Variants in ACSS1 observed in about 807,000 individuals in gnomAD.
The protein encoded by ACSS1 is acyl-CoA synthetase short chain family member 1.
Under a neutral mutation model 75.3 loss-of-function variants are expected in ACSS1, and 42 were observed. That is an observed-to-expected ratio of 0.56 (90% CI 0.44 to 0.72). ACSS1 has a LOEUF of 0.72. Among genes scored for constraint, ACSS1 ranks in the 30% least tolerant of loss-of-function variants. ACSS1 has a pLI of 0.00. For missense variants in ACSS1, 782 were observed against 935.7 expected (o/e 0.84, Z 2.14); for synonymous variants, 380 against 376.8 (o/e 1.01, Z -0.10).
intron 2 of ACSS1, among the ~76,000 whole-genome samples, chr20:25,033,239 T>A (rs1161548212): frequency 1.3e-5 from 2 of 152,160 alleles, no homozygotes; most frequent in East Asian, 3.9e-4. Flanking sequence ...TGAATTATGC[T>A]CACCAGTTAA....
In ACSS1 at chr20:25,037,005, A is replaced by G. The variant is rs57465781; in HGVS notation, c.432-6047T>C. ...AAAGAAAAAGAAAGAAAGAAGAAAG[A>G]AAGGAAGGAAGGAAGGAAGGAAGGA... On this transcript the variant is annotated intron_variant, in intron 2 of 13. Coordinates refer to ENST00000323482, the MANE Select transcript of ACSS1 (RefSeq NM_032501.4). 1.0e-2 allele frequency among the ~76,000 whole-genome samples: 1,309 copies of G among 131,528 alleles called. 26 individuals are homozygous for G. The highest frequency in any genetic ancestry group is 0.032 in the African/African-American group (1,055 of 33,424). The allele number at this position is 131,528 out of a possible 152,430, so 86.3% of individuals were successfully genotyped here.
intron 5 of ACSS1, 57 bp downstream of exon 5, chr20:25,022,883 C>A: frequency 6.5e-7 from 1 of 1,529,026 alleles, no homozygotes; most frequent in Non-Finnish European, 8.8e-7. Flanking sequence ...GGACTTCCAG[C>A]CCTGCCCCTG....
chr20:25,031,254 G>C (rs574013182), intron 2 of ACSS1: 3 of 446,710 alleles, frequency 6.7e-6, no homozygotes, highest in African/African-American at 2.0e-5. Flanking sequence ...GGGGAGCCAT[G>C]GTGACACCAT....
chr20:25,013,681 C>T lies in ACSS1; in HGVS notation c.1453-19G>A, dbSNP rs573299374. The T allele has an allele frequency of 2.5e-6, 4 of 1,582,194 alleles. No individual in the cohort carries two copies. The South Asian group carries it at 3.3e-5, about 13-fold the overall frequency. ...CGCTGCCCTGTAGACCCCGGACATG[C>T]AAGTGAGACAGGGCAGGCTCTGGGT... On this transcript the variant is annotated intron_variant, in intron 9 of 13. Transcript: ENST00000323482.
intron 3 of ACSS1, among the ~76,000 whole-genome samples, chr20:25,030,400 C>T (rs750257758): frequency 6.6e-6 from 1 of 152,224 alleles, no homozygotes; most frequent in African/African-American, 2.4e-5. Context: ...CAGTTGTTGA[C>T]CTGTGGAACC....
intron 2 of ACSS1, among the ~76,000 whole-genome samples, chr20:25,045,611 C>G (rs138852353): frequency 2.6e-5 from 4 of 152,380 alleles, no homozygotes; most frequent in East Asian, 1.9e-4. Context: ...GCTGAGGAGG[C>G]CTGCAACCAT....
chr20:25,051,628 A>T (rs112966794), intron 1 of ACSS1, among the ~76,000 whole-genome samples: 107 of 152,332 alleles, frequency 7.0e-4, no homozygotes, highest in Non-Finnish European at 1.1e-3. Flanking sequence ...CGATGTGTGC[A>T]CATGGACCTA....
chr20:25,050,478 A>T (rs1568850772), intron 1 of ACSS1, among the ~76,000 whole-genome samples: 1 of 151,874 alleles, frequency 6.6e-6, no homozygotes, highest in Non-Finnish European at 1.5e-5. Context: ...GCCCCAGGAG[A>T]TGTGAACCCA....
Position 25,022,921 on chromosome 20 carries a change from C to G in ACSS1, c.960+19G>C. The G allele has an allele frequency of 6.3e-7, 1 of 1,593,622 alleles. No homozygotes were observed. Among genetic ancestry groups the G allele is most frequent in the Non-Finnish European group, 8.5e-7 (1 of 1,169,764 alleles). ...TGGATCCCTGCCAAGGGCCCAGCAC[C>G]GCCCGCACAGGCCTGTACCTTGTGA... On this transcript the variant is annotated intron_variant, in intron 5 of 13. Coordinates refer to ENST00000323482, the MANE Select transcript of ACSS1 (RefSeq NM_032501.4).
chr20:25,042,543 TC>T (rs984454848), intron 2 of ACSS1, among the ~76,000 whole-genome samples: 4 of 152,082 alleles, frequency 2.6e-5, no homozygotes, highest in Admixed American at 1.3e-4. Context: ...CCCCACAGCC[TC>T]CCGTGAGTTA....
In ACSS1 at chr20:25,058,012, C is replaced by G. The variant is rs745957351; in HGVS notation, c.91G>C (p.Val31Leu). ...SGQPARPPCG[V>L]SAPRRAASGP... ...GAGGCCGCCCTGCGCGGCGCGCTCA[C>G]CCCGCACGGCGGCCGCGCGGGCTGC... Residue 31 changes from valine (V) to leucine (L), a missense_variant, in exon 1 of 14, where the codon GTG (valine) becomes CTG (leucine). Val to Leu is a conservative substitution (Grantham distance 32). Transcript: ENST00000323482. The G allele has an allele frequency of 1.1e-5, 15 of 1,413,802 alleles. No individual in the cohort carries two copies. The highest frequency in any genetic ancestry group is 1.4e-5 in the Non-Finnish European group (15 of 1,090,218). 87.6% of individuals were successfully genotyped at this position (1,413,802 alleles called of 1,614,324 possible). A position where few individuals can be genotyped will look rare whatever the true frequency, so the allele number is the denominator to read the frequency against.
rs551890577 is a variant in ACSS1 at position 25,048,970 on chromosome 20, C to T, written c.335-789G>A. On this transcript the variant is annotated intron_variant, in intron 1 of 13. Transcript: ENST00000323482. ...CAGCTCTCCTCACTCACTGGCTTAT[C>T]GGAGGGTCCCCAGGTATGCAGGGAC... 4.6e-5 allele frequency among the ~76,000 whole-genome samples: 7 copies of T among 152,292 alleles called. No individual in the cohort carries two copies. The South Asian group carries it at 1.5e-3, about 32-fold the overall frequency.
chr20:25,050,799 G>C (rs1395917128), intron 1 of ACSS1, among the ~76,000 whole-genome samples: 1 of 152,030 alleles, frequency 6.6e-6, no homozygotes, highest in Admixed American at 6.5e-5. Context: ...AGGACATCCT[G>C]CACCATTTTA....
In ACSS1 at chr20:25,007,025, G is replaced by A. The variant is rs952574734; in HGVS notation, c.*737C>T. On this transcript the variant is annotated 3_prime_UTR_variant, in exon 14 of 14. Transcript: ENST00000323482. ...ACTGGAGTAGCTTCAGAACTAAGGC[G>A]GCCACATTCACCCCACCGCTTAGGA... is the stretch of plus-strand genomic sequence containing the variant. The A allele has an allele frequency of 5.9e-5, 90 of 1,518,460 alleles. No homozygotes were observed. Among genetic ancestry groups the A allele is most frequent in the East Asian group, 3.9e-4 (16 of 40,590 alleles). The allele number at this position is 1,518,460 out of a possible 1,614,324, so 94.1% of individuals were successfully genotyped here.
chr20:25,006,724 G>A lies in ACSS1; in HGVS notation c.*1038C>T. The A allele has an allele frequency of 4.1e-6, 5 of 1,228,938 alleles. No individual in the cohort carries two copies. Among genetic ancestry groups the A allele is most frequent in the Non-Finnish European group, 5.6e-6 (5 of 900,584 alleles). The allele number at this position is 1,228,938 out of a possible 1,614,324, so 76.1% of individuals were successfully genotyped here. A position where few individuals can be genotyped will look rare whatever the true frequency, so the allele number is the denominator to read the frequency against. On this transcript the variant is annotated 3_prime_UTR_variant, in exon 14 of 14. Coordinates refer to ENST00000323482, the MANE Select transcript of ACSS1 (RefSeq NM_032501.4). ...TTCCATTATCTTGCTAATGTTGACA[G>A]CACCTAAGTCACATTAAAACAAAGA...
At position 25,007,692 on chromosome 20, in the gene ACSS1, G is replaced by A; in HGVS notation, c.*70C>T. ...GACGTAGGAAGACGCCAACCTCAGG[G>A]GTACCTTCTGGGAAGGACAAGCCAG... On this transcript the variant is annotated 3_prime_UTR_variant, in exon 14 of 14. Coordinates refer to ENST00000323482, the MANE Select transcript of ACSS1 (RefSeq NM_032501.4). 1 of 1,574,284 alleles carries A rather than the reference G, an allele frequency of 6.4e-7. No individual in the cohort carries two copies. Among genetic ancestry groups the A allele is most frequent in the Non-Finnish European group, 8.6e-7 (1 of 1,160,214 alleles).
chr20:25,050,783 C>T (rs1375657470), intron 1 of ACSS1, among the ~76,000 whole-genome samples: 5 of 152,064 alleles, frequency 3.3e-5, no homozygotes, highest in Non-Finnish European at 7.4e-5. Flanking sequence ...AGCCTCCCAG[C>T]CCAGCAGGAC....
intron 2 of ACSS1, among the ~76,000 whole-genome samples, chr20:25,042,898 A>C (rs897519152): frequency 6.6e-6 from 1 of 151,962 alleles, no homozygotes; most frequent in African/African-American, 2.4e-5. Flanking sequence ...TTCATCCCAC[A>C]TGCCCCTCTC....
At chr20:25,040,035 T>C (rs1568845138) in intron 2 of ACSS1, among the ~76,000 whole-genome samples, 1 of 152,238 alleles carries the variant, frequency 6.6e-6, no homozygotes. Flanking sequence ...CGCCCCTGGC[T>C]GGACAGACTT....
Sources: gnomAD v4.1 joint callset for allele counts (sites outside exome capture counted in the v4.1 genomes callset) on GRCh38, gnomAD v4.1.1 for gene constraint, MANE v1.5 for transcripts, NCBI Gene and HGNC (gene_info 2026-07-23, HGNC 2026-07-21) for gene names.